Variants in TMEM131 observed in about 807,000 individuals in gnomAD.
The protein encoded by TMEM131 is 2610524E03Rik.
A neutral mutation model predicts 211.6 loss-of-function variants in TMEM131; 66 were observed. The ratio of observed to expected loss-of-function variants is 0.31; its 90% CI spans 0.26 to 0.38. The LOEUF (loss-of-function observed/expected upper bound fraction) is 0.38, where lower values mean the gene tolerates loss of function less well. Among genes scored for constraint, TMEM131 ranks in the 10% least tolerant of loss-of-function variants. The probability of loss-of-function intolerance (pLI) is 1.00; values close to 1 mark genes in which losing one functional copy is unlikely to be tolerated. For synonymous variants in TMEM131, 844 were observed against 841.3 expected (o/e 1.00, Z -0.06); for missense variants, 2,036 against 2,299.3 (o/e 0.89, Z 2.34).
At chr2:97,885,204 AT>A (rs924887853) in intron 4 of TMEM131, among the ~76,000 whole-genome samples, 21 of 148,966 alleles carry the variant, frequency 1.4e-4, no homozygotes, top group Non-Finnish European at 1.6e-4. Flanking sequence ...TTTGTGAAAG[AT>A]TTTTTTTTTT....
chr2:97,817,266 G>A (rs894049194), intron 12 of TMEM131, among the ~76,000 whole-genome samples: 1 of 152,052 alleles, frequency 6.6e-6, no homozygotes, highest in East Asian at 1.9e-4. Flanking sequence ...AGAATTTTCC[G>A]GCACATCTGT....
chr2:97,821,635 A>G (rs1682125365), intron 11 of TMEM131, among the ~76,000 whole-genome samples: 1 of 152,250 alleles, frequency 6.6e-6, no homozygotes, highest in African/African-American at 2.4e-5. Flanking sequence ...TTGGCGACCC[A>G]CATGGGATAC....
chr2:97,941,484 T>C (rs924484457), intron 1 of TMEM131, among the ~76,000 whole-genome samples: 1 of 152,116 alleles, frequency 6.6e-6, no homozygotes, highest in Non-Finnish European at 1.5e-5. Context: ...GGGATCTAAT[T>C]AAATGAAAGA....
intron 1 of TMEM131, among the ~76,000 whole-genome samples, chr2:97,993,629 C>A (rs1173869748): frequency 6.6e-6 from 1 of 152,194 alleles, no homozygotes; most frequent in Non-Finnish European, 1.5e-5. Context: ...GCATGGGCCA[C>A]AAAGGATATC....
chr2:97,970,741 C>T (rs1261797099), intron 1 of TMEM131, among the ~76,000 whole-genome samples: 1 of 152,114 alleles, frequency 6.6e-6, no homozygotes, highest in Non-Finnish European at 1.5e-5. Context: ...GGACAAAGTG[C>T]TGAGTGCTAT....
intron 33 of TMEM131, among the ~76,000 whole-genome samples, chr2:97,767,637 A>C (rs1468085799): frequency 6.6e-6 from 1 of 152,250 alleles, no homozygotes; most frequent in Non-Finnish European, 1.5e-5. Context: ...GACAGCTGTC[A>C]GTTCAGGGCT....
intron 4 of TMEM131, among the ~76,000 whole-genome samples, chr2:97,863,840 G>A (rs762366499): frequency 3.9e-5 from 6 of 152,180 alleles, no homozygotes; most frequent in Non-Finnish European, 8.8e-5. Flanking sequence ...ACTAGAAGTA[G>A]AGCTACCATA....
At chr2:97,970,114 T>C (rs1394715557) in intron 1 of TMEM131, among the ~76,000 whole-genome samples, 1 of 152,210 alleles carries the variant, frequency 6.6e-6, no homozygotes, top group Non-Finnish European at 1.5e-5. Context: ...TTAAGGTGTA[T>C]CCACTTGGGA....
chr2:97,775,017 T>C (rs180993398), intron 32 of TMEM131, among the ~76,000 whole-genome samples: 45 of 152,330 alleles, frequency 3.0e-4, no homozygotes, highest in Admixed American at 2.3e-3. Flanking sequence ...AGTGATTCCT[T>C]GGTCAATAGA....
At chr2:97,953,570 G>A (rs1319035235) in intron 1 of TMEM131, among the ~76,000 whole-genome samples, 1 of 152,122 alleles carries the variant, frequency 6.6e-6, no homozygotes, top group Admixed American at 6.5e-5. Context: ...ATTACAGGTG[G>A]AGATTTCAAC....
At chr2:97,794,332 G>A (rs904939426) in intron 29 of TMEM131, among the ~76,000 whole-genome samples, 23 of 152,086 alleles carry the variant, frequency 1.5e-4, no homozygotes, top group Non-Finnish European at 2.6e-4. Context: ...CACCGTGCCC[G>A]GCCTGCTCAT....
At chr2:97,840,074 T>C (rs1037973271) in intron 7 of TMEM131, among the ~76,000 whole-genome samples, 1 of 152,262 alleles carries the variant, frequency 6.6e-6, no homozygotes, top group African/African-American at 2.4e-5. Context: ...ACAGTAACAC[T>C]GGACTACAAG....
chr2:97,819,925 C>T (rs897244312), intron 11 of TMEM131, among the ~76,000 whole-genome samples: 4 of 152,178 alleles, frequency 2.6e-5, no homozygotes, highest in East Asian at 1.9e-4. Flanking sequence ...CTTGAAGGTG[C>T]GATAAGCACC....
At chr2:97,787,921 A>C (rs925318306) in intron 31 of TMEM131, among the ~76,000 whole-genome samples, 1 of 152,072 alleles carries the variant, frequency 6.6e-6, no homozygotes, top group African/African-American at 2.4e-5. Context: ...TAGTCTCCTA[A>C]CATTCCTTGC....
intron 5 of TMEM131, among the ~76,000 whole-genome samples, chr2:97,849,086 TTAAGA>T (rs1683577568): frequency 1.3e-5 from 2 of 152,040 alleles, no homozygotes; most frequent in South Asian, 2.1e-4. Flanking sequence ...AGAATGCAAA[TTAAGA>T]TAAAAATGGC....
In TMEM131 at chr2:97,760,698, A is replaced by G; in HGVS notation, c.5012-9T>C. 1.2e-6 allele frequency: 2 copies of G among 1,613,972 alleles called. No homozygotes were observed. Among genetic ancestry groups the G allele is most frequent in the Non-Finnish European group, 1.7e-6 (2 of 1,179,872 alleles). On this transcript the variant is annotated splice_polypyrimidine_tract_variant and intron_variant, in intron 37 of 40. Coordinates refer to ENST00000186436, the MANE Select transcript of TMEM131 (RefSeq NM_015348.2). ...AGCAAAGCCATTCCCACCTGTAACA[A>G]TGGACGTTCAATCAATGGAAGGCAC...
At chr2:97,836,612 C>T (rs1479448701) in intron 8 of TMEM131, among the ~76,000 whole-genome samples, 6 of 152,118 alleles carry the variant, frequency 3.9e-5, no homozygotes, top group South Asian at 2.1e-4. Flanking sequence ...TCTAAGTTAT[C>T]GCAGGCACTT....
At chr2:97,820,364 G>GT (rs1327363418) in intron 11 of TMEM131, among the ~76,000 whole-genome samples, 1 of 152,216 alleles carries the variant, frequency 6.6e-6, no homozygotes, top group African/African-American at 2.4e-5. Flanking sequence ...AGTTTGAACT[G>GT]TAAGACAAAC....
chr2:97,942,597 A>G (rs562799482), intron 1 of TMEM131, among the ~76,000 whole-genome samples: 1 of 152,238 alleles, frequency 6.6e-6, no homozygotes, highest in East Asian at 1.9e-4. Flanking sequence ...ACAAGAAACA[A>G]CTATACACAA....
Sources: allele counts gnomAD v4.1 joint callset (sites outside exome capture counted in the v4.1 genomes callset), GRCh38; gene constraint gnomAD v4.1.1; transcripts MANE v1.5; gene names NCBI Gene and HGNC (gene_info 2026-07-23, HGNC 2026-07-21).